Variants in RPS6KA2 observed in about 807,000 individuals in gnomAD.
The protein encoded by RPS6KA2 is ribosomal protein S6 kinase alpha-2.
A neutral mutation model predicts 91.8 loss-of-function variants in RPS6KA2; 42 were observed. The ratio of observed to expected loss-of-function variants is 0.46; its 90% CI spans 0.36 to 0.59. RPS6KA2 has a LOEUF of 0.59. Among genes scored for constraint, RPS6KA2 ranks in the 20% least tolerant of loss-of-function variants. The pLI is 0.00. For missense variants in RPS6KA2, 798 were observed against 978.5 expected (o/e 0.82, Z 2.46); for synonymous variants, 414 against 393.6 (o/e 1.05, Z -0.61).
At chr6:166,845,724 G>A (rs913063884) in intron 2 of RPS6KA2, among the ~76,000 whole-genome samples, 1 of 152,072 alleles carries the variant, frequency 6.6e-6, no homozygotes, top group Non-Finnish European at 1.5e-5. Flanking sequence ...GTGCTAAGGG[G>A]GAAGTTCATA....
At chr6:166,717,482 G>A (rs952934076) in intron 2 of RPS6KA2, among the ~76,000 whole-genome samples, 6 of 152,322 alleles carry the variant, frequency 3.9e-5, no homozygotes, top group African/African-American at 1.4e-4. Flanking sequence ...GAAGGCCAGG[G>A]AATTTTGCAA....
chr6:166,527,053 G>A (rs2128490257), intron 3 of RPS6KA2, among the ~76,000 whole-genome samples: 1 of 152,358 alleles, frequency 6.6e-6, no homozygotes, highest in South Asian at 2.1e-4. Context: ...TTGCATTAGG[G>A]AGAGTGAAGT....
intron 2 of RPS6KA2, among the ~76,000 whole-genome samples, chr6:166,709,034 C>A (rs545691821): frequency 4.6e-5 from 7 of 152,304 alleles, no homozygotes; most frequent in African/African-American, 1.7e-4. Flanking sequence ...GAGCCACAAG[C>A]TGTGAGCCTG....
At chr6:166,599,716 G>T (rs562518151) in intron 1 of RPS6KA2, among the ~76,000 whole-genome samples, 40 of 152,316 alleles carry the variant, frequency 2.6e-4, no homozygotes, top group African/African-American at 8.7e-4. Flanking sequence ...TAAGCTGTAG[G>T]GGGAGGGGCC....
At chr6:166,788,195 G>A (rs1426409074) in intron 2 of RPS6KA2, among the ~76,000 whole-genome samples, 3 of 152,172 alleles carry the variant, frequency 2.0e-5, no homozygotes, top group Admixed American at 2.0e-4. Context: ...AATAGATGCT[G>A]GTGAGGCTGT....
Position 166,626,807 on chromosome 6 carries a change from A to G in RPS6KA2, c.99+114T>C. Reference sequence around the variant, plus strand: ...TTCGGAACCGGACCAGCTTTCCAGTAACTTGAACTCCCTGACGGGTCTCGG... The same window carrying G: ...TTCGGAACCGGACCAGCTTTCCAGTGACTTGAACTCCCTGACGGGTCTCGG... On this transcript the variant is annotated intron_variant, in intron 1 of 20. Coordinates refer to ENST00000265678, the MANE Select transcript of RPS6KA2 (RefSeq NM_021135.6). The surrounding 1 kb of genome is among the most constrained non-coding windows in gnomAD (Gnocchi z 4.1). The G allele has an allele frequency of 1.2e-6, 1 of 844,370 alleles. No homozygotes were observed. The highest frequency in any genetic ancestry group is 1.6e-6 in the Non-Finnish European group (1 of 627,308). 52.3% of individuals were successfully genotyped at this position (844,370 alleles called of 1,614,324 possible).
At chr6:166,657,019 C>T (rs1182657247) in intron 2 of RPS6KA2, among the ~76,000 whole-genome samples, 2 of 152,112 alleles carry the variant, frequency 1.3e-5, no homozygotes, top group Admixed American at 6.5e-5. Context: ...TGGTCGAGAC[C>T]TTGAACTCTC....
At chr6:166,636,551 CTCCTCT>C (rs1009015816) in intron 2 of RPS6KA2, among the ~76,000 whole-genome samples, 13 of 152,262 alleles carry the variant, frequency 8.5e-5, no homozygotes, top group African/African-American at 2.9e-4. Flanking sequence ...CCTCCTCCTT[CTCCTCT>C]TCCTCTTCCT....
At chr6:166,474,036 G>A (rs909770676) in intron 10 of RPS6KA2, among the ~76,000 whole-genome samples, 5 of 149,798 alleles carry the variant, frequency 3.3e-5, no homozygotes, top group East Asian at 2.0e-4. Context: ...GGACTCAGCC[G>A]GTTAGGAGTC....
intron 10 of RPS6KA2, among the ~76,000 whole-genome samples, chr6:166,483,631 T>C (rs1781311593): frequency 6.6e-6 from 1 of 152,186 alleles, no homozygotes; most frequent in African/African-American, 2.4e-5. Context: ...GCATCCTCAC[T>C]AAATAAGAGA....
At chr6:166,695,037 C>A (rs950443142) in intron 2 of RPS6KA2, among the ~76,000 whole-genome samples, 1 of 152,180 alleles carries the variant, frequency 6.6e-6, no homozygotes, top group African/African-American at 2.4e-5. Flanking sequence ...GAGATGCTAT[C>A]CTGGCCACCA....
rs558004350 is a variant in RPS6KA2, at chr6:166,790,422, A to G, written c.123+67778T>C. Among the ~76,000 whole-genome samples, 35 of 152,362 alleles carry G rather than the reference A, an allele frequency of 2.3e-4. 1 individual carries two copies. In the South Asian group the frequency reaches 5.4e-3, roughly 23 times the overall value. ...TGAAAGTGATGGGGAGAATGGAACC[A>G]AGTTGGAAAACACTCTGCAGGATAT... On this transcript the variant is annotated intron_variant, in intron 2 of 21. Coordinates refer to the RPS6KA2 transcript ENST00000503859.
intron 2 of RPS6KA2, chr6:166,701,243 C>T: frequency 6.2e-7 from 1 of 1,612,204 alleles, no homozygotes. Flanking sequence ...TGGTCATTCT[C>T]ATCAGGTGTC....
At position 166,425,556 on chromosome 6, in the gene RPS6KA2, A is replaced by G. The variant is rs548371629; in HGVS notation, c.1582-2139T>C. Among the ~76,000 whole-genome samples the G allele has an allele frequency of 7.9e-5, 12 of 152,316 alleles. 1 individual carries two copies. The East Asian group carries it at 2.3e-3, about 29-fold the overall frequency. On this transcript the variant is annotated intron_variant, in intron 16 of 20. Transcript: ENST00000265678. ...TCAGTGTGCTGTATTCAGGAAACGC[A>G]TCTCACGTGCAGAGACACACATAGG... is the stretch of plus-strand genomic sequence containing the variant.
chr6:166,473,008 C>T (rs2235280), intron 10 of RPS6KA2, among the ~76,000 whole-genome samples: 40,949 of 152,026 alleles, frequency 0.27, 5,967 homozygotes, highest in East Asian at 0.51. Flanking sequence ...CACTTCTTCT[C>T]GGTAGTAATA....
chr6:166,578,755 T>C (rs1158861252), intron 1 of RPS6KA2, among the ~76,000 whole-genome samples: 5 of 152,204 alleles, frequency 3.3e-5, no homozygotes, highest in Non-Finnish European at 7.4e-5. Context: ...GGAGCAGGCC[T>C]ACTCAATCAG....
At chr6:166,747,563 TC>T (rs1791059706) in intron 2 of RPS6KA2, among the ~76,000 whole-genome samples, 1 of 152,144 alleles carries the variant, frequency 6.6e-6, no homozygotes, top group African/African-American at 2.4e-5. Context: ...TGGCCGCTCC[TC>T]CTCCTCCTCC....
At chr6:166,589,302 T>C (rs181390649) in intron 1 of RPS6KA2, among the ~76,000 whole-genome samples, 18 of 152,332 alleles carry the variant, frequency 1.2e-4, no homozygotes, top group Non-Finnish European at 2.2e-4. Context: ...TGGGGTTCCT[T>C]TGCTCATTTT....
At chr6:166,525,163 G>A (rs185032252) in intron 3 of RPS6KA2, among the ~76,000 whole-genome samples, 213 of 152,258 alleles carry the variant, frequency 1.4e-3, no homozygotes, top group Non-Finnish European at 2.5e-3. Flanking sequence ...TTGGGAACAC[G>A]TTTCTTTGCA....
Sources: gnomAD v4.1 joint callset for allele counts (sites outside exome capture counted in the v4.1 genomes callset) on GRCh38, gnomAD v4.1.1 for gene constraint, Gnocchi (gnomAD v3.1) non-coding constraint, MANE v1.5 for transcripts, NCBI Gene and HGNC (gene_info 2026-07-23, HGNC 2026-07-21) for gene names.